GRIN2D: variants seen among roughly 807,000 people sequenced by gnomAD.
The protein encoded by GRIN2D is glutamate receptor ionotropic, NMDA 2D.
Under a neutral mutation model 103.2 loss-of-function variants are expected in GRIN2D, and 37 were observed. The ratio of observed to expected loss-of-function variants is 0.36; its 90% CI spans 0.28 to 0.47. The LOEUF (loss-of-function observed/expected upper bound fraction) is 0.47, where lower values mean the gene tolerates loss of function less well. Ranked by LOEUF, GRIN2D falls within the 20% of genes least tolerant of loss-of-function variation. The pLI is 1.00. For missense variants in GRIN2D, 1,557 were observed against 1,910.6 expected (o/e 0.81, Z 3.45); for synonymous variants, 845 against 885.6 (o/e 0.95, Z 0.81).
At position 48,419,221 on chromosome 19, in the gene GRIN2D, C is replaced by G. The variant is rs766383884; in HGVS notation, c.1736-13C>G. 1 of 1,600,550 alleles carries G rather than the reference C, an allele frequency of 6.2e-7. No individual in the cohort carries two copies. On this transcript the variant is annotated splice_polypyrimidine_tract_variant and intron_variant, in intron 8 of 13. Coordinates refer to ENST00000263269, the MANE Select transcript of GRIN2D (RefSeq NM_000836.4). ...CTTGGCTGAGCCATAACCACGCACT[C>G]CCTTGTCCCCAGAGCCCTACAGCCC...
intron 8 of GRIN2D, among the ~76,000 whole-genome samples, chr19:48,418,033 C>CTTTTT (rs1362608820): frequency 2.3e-5 from 3 of 130,166 alleles, no homozygotes; most frequent in South Asian, 2.6e-4. Flanking sequence ...CCTGCGAGTT[C>CTTTTT]TTTTTTTTTT....
intron 4 of GRIN2D, among the ~76,000 whole-genome samples, chr19:48,409,754 C>T (rs1970833045): frequency 6.6e-6 from 1 of 151,894 alleles, no homozygotes; most frequent in African/African-American, 2.4e-5. Flanking sequence ...GGCCTTTAGG[C>T]CAGGGGGCAG....
rs746376633 is a variant in GRIN2D, at chr19:48,405,191, G to T, written c.923G>T (p.Arg308Leu). The T allele has an allele frequency of 2.5e-6, 4 of 1,601,052 alleles. No homozygotes were observed. Among genetic ancestry groups the T allele is most frequent in the South Asian group, 2.2e-5 (2 of 89,832 alleles). ...APLPAGLFAV[R>L]SAGWRDDLAR... The stretch of plus-strand genomic sequence containing the variant: ...CTGCCTGCCGGGCTGTTTGCAGTGC[G>T]CTCGGCTGGCTGGCGGGATGACCTG... Residue 308 changes from arginine (R) to leucine (L), a missense_variant, in exon 4 of 14, where the codon CGC becomes CTC. This residue lies in a region of GRIN2D where 490 missense variants were observed against 601.1 expected (regional missense o/e 0.82). Coordinates refer to ENST00000263269, the MANE Select transcript of GRIN2D (RefSeq NM_000836.4). This position sits in a 1 kb window ranked among gnomAD's most constrained non-coding sequence, Gnocchi z 5.1.
intron 11 of GRIN2D, among the ~76,000 whole-genome samples, chr19:48,422,519 G>T (rs953178769): frequency 1.3e-5 from 2 of 151,934 alleles, no homozygotes; most frequent in Non-Finnish European, 2.9e-5. Context: ...GCTGAGGCAG[G>T]AGAATCGCTT....
intron 3 of GRIN2D, among the ~76,000 whole-genome samples, chr19:48,402,262 T>C (rs900748870): frequency 2.0e-5 from 3 of 150,624 alleles, no homozygotes; most frequent in African/African-American, 7.3e-5. Flanking sequence ...CAGTGAGGAG[T>C]GGACAACTGG....
In GRIN2D at chr19:48,421,680, T is replaced by A; in HGVS notation, c.2092-105T>A. On this transcript the variant is annotated intron_variant, in intron 10 of 13. Transcript: ENST00000263269. This position sits in a 1 kb window ranked among gnomAD's most constrained non-coding sequence, Gnocchi z 4.8. ...AGTGTTGAGAAATATTGAACACTCC[T>A]GGGACTGGGGTGTCTGCCAGATAGC... is the stretch of plus-strand genomic sequence containing the variant. The A allele has an allele frequency of 1.1e-6, 1 of 895,082 alleles. No individual in the cohort carries two copies. The highest frequency in any genetic ancestry group is 1.8e-6 in the Non-Finnish European group (1 of 557,594). 55.4% of individuals were successfully genotyped at this position (895,082 alleles called of 1,614,324 possible).
At chr19:48,438,956 T>G (rs1322993564) in intron 11 of GRIN2D, among the ~76,000 whole-genome samples, 1 of 151,014 alleles carries the variant, frequency 6.6e-6, no homozygotes, top group Non-Finnish European at 1.5e-5. Flanking sequence ...TTTTTTTTTT[T>G]TTTTATAGAG....
At chr19:48,438,541 G>A (rs1365015307) in intron 11 of GRIN2D, among the ~76,000 whole-genome samples, 2 of 151,606 alleles carry the variant, frequency 1.3e-5, no homozygotes, top group East Asian at 1.9e-4. Context: ...CTCGTGATCC[G>A]CCTGCCTCGG....
chr19:48,394,254 G>A lies in GRIN2D; in HGVS notation c.-306+386G>A, dbSNP rs1372395655. 1.3e-5 allele frequency among the ~76,000 whole-genome samples: 2 copies of A among 151,934 alleles called. No individual in the cohort carries two copies. Among genetic ancestry groups the A allele is most frequent in the Admixed American group, 1.3e-4 (2 of 15,230 alleles). ...TTGAGGGGGAATCCCAGGGAAGTGA[G>A]ATCGTGCGTGTGTGCGTGAGTGTAT... On this transcript the variant is annotated intron_variant, in intron 1 of 13. Coordinates refer to ENST00000263269, the MANE Select transcript of GRIN2D (RefSeq NM_000836.4). The surrounding 1 kb of genome is among the most constrained non-coding windows in gnomAD (Gnocchi z 5.1).
chr19:48,426,224 C>CTTTCTTTCTTTTT (rs1555893889), intron 11 of GRIN2D, among the ~76,000 whole-genome samples: 2 of 120,118 alleles, frequency 1.7e-5, no homozygotes, highest in African/African-American at 7.2e-5. Context: ...TTCTTTCTTT[C>CTTTCTTTCTTTTT]TTTTTTTTTT....
rs564764073 is a variant in GRIN2D, at chr19:48,393,938, C to T, written c.-306+70C>T. 1.3e-5 allele frequency among the ~76,000 whole-genome samples: 2 copies of T among 151,888 alleles called. No homozygotes were observed. The highest frequency in any genetic ancestry group is 4.2e-4 in the South Asian group (2 of 4,806). On this transcript the variant is annotated intron_variant, in intron 1 of 13. Coordinates refer to ENST00000263269, the MANE Select transcript of GRIN2D (RefSeq NM_000836.4). This position sits in a 1 kb window ranked among gnomAD's most constrained non-coding sequence, Gnocchi z 5.6. ...GGGGGTGTGTCTGTAAGCGCTGCGG[C>T]GGCGGAGGGAGGGAGGGGTCTGTCT...
intron 11 of GRIN2D, among the ~76,000 whole-genome samples, chr19:48,427,447 T>G (rs190117906): frequency 7.9e-5 from 12 of 151,768 alleles, no homozygotes; most frequent in African/African-American, 1.9e-4. Context: ...TGCCAGGGCT[T>G]GGGATCATTC....
rs899244056 is a variant in GRIN2D at position 48,421,973 on chromosome 19, G to C, written c.2252+28G>C. The C allele has an allele frequency of 6.2e-7, 1 of 1,606,660 alleles. No individual in the cohort carries two copies. The highest frequency in any genetic ancestry group is 8.5e-7 in the Non-Finnish European group (1 of 1,174,950). ...CAGCGCAGACTCGGGCCGGGGGTGG[G>C]GGTTGGGCCGCTGGGGACCTGAGGA... On this transcript the variant is annotated intron_variant, in intron 11 of 13. Coordinates refer to ENST00000263269, the MANE Select transcript of GRIN2D (RefSeq NM_000836.4). The surrounding 1 kb of genome is among the most constrained non-coding windows in gnomAD (Gnocchi z 4.8).
rs769720617 is a variant in GRIN2D at position 48,394,183 on chromosome 19, GTGTGTGTGTGTC to G, written c.-306+328_-306+339del. Among the ~76,000 whole-genome samples, 1,521 of 151,976 alleles carry G rather than the reference GTGTGTGTGTGTC, an allele frequency of 0.01. 17 individuals carry two copies. The highest frequency in any genetic ancestry group is 0.014 in the Non-Finnish European group (971 of 67,886). ...TGGCCCCCATTAGACCCCCCACTCT[GTGTGTGTGTGTC>G]TGTGTGTGTGTCCCTCCTCAAGCTC... is the stretch of plus-strand genomic sequence containing the variant. On this transcript the variant is annotated intron_variant, in intron 1 of 13. Transcript: ENST00000263269. The surrounding 1 kb of genome is among the most constrained non-coding windows in gnomAD (Gnocchi z 5.1).
intron 11 of GRIN2D, among the ~76,000 whole-genome samples, chr19:48,438,335 G>A (rs980862428): frequency 1.8e-5 from 2 of 111,684 alleles, no homozygotes; most frequent in Admixed American, 1.3e-4. Context: ...GTCTTGCTCT[G>A]TCGCCCAGGC....
At chr19:48,426,224 C>CTTTCTTTCTTTTTTTTTTTTTTTT (rs1555893889) in intron 11 of GRIN2D, among the ~76,000 whole-genome samples, 83 of 120,054 alleles carry the variant, frequency 6.9e-4, no homozygotes, top group African/African-American at 2.9e-3. Flanking sequence ...TTCTTTCTTT[C>CTTTCTTTCTTTTTTTTTTTTTTTT]TTTTTTTTTT....
rs1487007711 is a variant in GRIN2D at position 48,439,504 on chromosome 19, TCAAA to T, written c.2253-2261_2253-2258del. Among the ~76,000 whole-genome samples, 4 of 152,262 alleles carry T rather than the reference TCAAA, an allele frequency of 2.6e-5. No homozygotes were observed. The East Asian group carries it at 7.7e-4, about 29-fold the overall frequency. ...GTCTCATGGGGAAGGTTGAGATTAATCAAACAACCACAGAAATAAATGTAAAATG... is the reference window on the plus strand; with the variant it reads ...GTCTCATGGGGAAGGTTGAGATTAATCAACCACAGAAATAAATGTAAAATG... On this transcript the variant is annotated intron_variant, in intron 11 of 13. Transcript: ENST00000263269.
rs903116762 is a variant in GRIN2D at position 48,444,886 on chromosome 19, T to C, written c.*949T>C. On this transcript the variant is annotated 3_prime_UTR_variant, in exon 14 of 14. Transcript: ENST00000263269. This position sits in a 1 kb window ranked among gnomAD's most constrained non-coding sequence, Gnocchi z 5.5. ...CCAACTTCCCTTCCCACTCTCTTAT[T>C]CCACATTGCAGTGTTTGGAATAAAC... 3.9e-5 allele frequency: 6 copies of C among 152,258 alleles called. No individual in the cohort carries two copies. Among genetic ancestry groups the C allele is most frequent in the Non-Finnish European group, 7.3e-5 (5 of 68,116 alleles). The allele number at this position is 152,258 out of a possible 1,614,324, so 9.4% of individuals were successfully genotyped here.
intron 3 of GRIN2D, among the ~76,000 whole-genome samples, chr19:48,403,300 T>A (rs1382050715): frequency 6.6e-6 from 1 of 151,840 alleles, no homozygotes; most frequent in Non-Finnish European, 1.5e-5. Flanking sequence ...TATCCAGCAC[T>A]GTTCAATAAA....
Sources: allele counts gnomAD v4.1 joint callset (sites outside exome capture counted in the v4.1 genomes callset), GRCh38; gene constraint gnomAD v4.1.1; regional missense constraint gnomAD v4.1.1; non-coding constraint Gnocchi (gnomAD v3.1); transcripts MANE v1.5; gene names NCBI Gene and HGNC (gene_info 2026-07-23, HGNC 2026-07-21).